TBC1D9B: variants seen among roughly 807,000 people sequenced by gnomAD.
TBC1D9B encodes TBC1 domain family, member 9B (with GRAM domain).
A neutral mutation model predicts 121.1 loss-of-function variants in TBC1D9B; 87 were observed. The ratio of observed to expected loss-of-function variants is 0.72; its 90% CI spans 0.60 to 0.86. The LOEUF is 0.86. Among genes scored for constraint, TBC1D9B ranks in the 40% least tolerant of loss-of-function variants. The probability of loss-of-function intolerance (pLI) is 0.00; values close to 1 mark genes in which losing one functional copy is unlikely to be tolerated. For missense variants in TBC1D9B, 1,540 were observed against 1,628.6 expected (o/e 0.95, Z 0.94); for synonymous variants, 668 against 670.1 (o/e 1.00, Z 0.05).
At chr5:179,880,301 A>G (rs953109668) in intron 7 of TBC1D9B, among the ~76,000 whole-genome samples, 2 of 152,230 alleles carry the variant, frequency 1.3e-5, no homozygotes, top group Non-Finnish European at 2.9e-5. Context: ...GGAGCATGCA[A>G]GGCCTGCTGC....
At position 179,878,487 on chromosome 5, in the gene TBC1D9B, T is replaced by C. The variant is rs1301041153; in HGVS notation, c.1604A>G (p.Tyr535Cys). 2.5e-6 allele frequency: 4 copies of C among 1,610,768 alleles called. No individual in the cohort carries two copies. The highest frequency in any genetic ancestry group is 1.7e-5 in the Admixed American group (1 of 59,592). Residue 535 changes from tyrosine (Y) to cysteine (C), a missense_variant, in exon 10 of 21, where the codon TAT becomes TGT. Transcript: ENST00000355235. ...GGTGGACTTCTCCACCAGCTCAGCA[T>C]AGTACCCGGGGTGAGTCACCATCTC... is the stretch of plus-strand genomic sequence containing the variant. ...WNEMVTHPGY[Y>C]AELVEKSTGK...
intron 7 of TBC1D9B, among the ~76,000 whole-genome samples, chr5:179,884,965 G>A (rs1027217628): frequency 2.0e-5 from 3 of 152,092 alleles, no homozygotes; most frequent in Non-Finnish European, 4.4e-5. Context: ...GTACTTAATG[G>A]TAAATGTTGT....
chr5:179,893,090 C>G, intron 5 of TBC1D9B, 119 bp downstream of exon 5: 11 of 1,402,664 alleles, frequency 7.8e-6, no homozygotes, highest in Non-Finnish European at 9.5e-6. Flanking sequence ...AGTGGGGAGC[C>G]CATGAGGGGT....
chr5:179,868,057 T>A (rs1760074703), intron 17 of TBC1D9B: 4 of 413,762 alleles, frequency 9.7e-6, no homozygotes, highest in African/African-American at 2.0e-5. Flanking sequence ...TTTTTTTTTT[T>A]AATGGACTCT....
rs2113612329 is a variant in TBC1D9B, at chr5:179,874,041, T to G, written c.2187-793A>C. 6.6e-6 allele frequency among the ~76,000 whole-genome samples: 1 copy of G among 152,296 alleles called. No individual in the cohort carries two copies. The highest frequency in any genetic ancestry group is 2.1e-4 in the South Asian group (1 of 4,824). ...AGAGAGTCCCAGGCAGCACCTGGCC[T>G]GGCCATGGGCAAGTGGCAGAGTCCC... On this transcript the variant is annotated intron_variant, in intron 12 of 20. Coordinates refer to ENST00000355235, the MANE Select transcript of TBC1D9B (RefSeq NM_015043.4). The surrounding 1 kb of genome is among the most constrained non-coding windows in gnomAD (Gnocchi z 4.3).
chr5:179,891,637 A>G lies in TBC1D9B; in HGVS notation c.837-51T>C. The G allele has an allele frequency of 6.3e-7, 1 of 1,592,956 alleles. No individual in the cohort carries two copies. Among genetic ancestry groups the G allele is most frequent in the South Asian group, 1.1e-5 (1 of 90,724 alleles). The stretch of plus-strand genomic sequence containing the variant: ...GAGGAAAGGGGACAAGGTCAGGACC[A>G]GCACACTCTCAAGGAAGCCTTGGGG... On this transcript the variant is annotated intron_variant, in intron 5 of 20. Coordinates refer to ENST00000355235, the MANE Select transcript of TBC1D9B (RefSeq NM_015043.4). This position sits in a 1 kb window ranked among gnomAD's most constrained non-coding sequence, Gnocchi z 4.3.
Position 179,863,609 on chromosome 5 carries a change from T to C in TBC1D9B, c.3541A>G (p.Ile1181Val). Residue 1181 changes from isoleucine (I) to valine (V), a missense_variant, in exon 21 of 21, where the codon ATC becomes GTC. Ile to Val is a conservative substitution (Grantham distance 29). Coordinates refer to ENST00000355235, the MANE Select transcript of TBC1D9B (RefSeq NM_015043.4). This position sits in a 1 kb window ranked among gnomAD's most constrained non-coding sequence, Gnocchi z 4.5. ...IGGTVDTDWC[I>V]SFEQILASIL... The stretch of plus-strand genomic sequence containing the variant: ...GAGGCCAGGATCTGCTCAAAGGAGA[T>C]GCACCAGTCGGTGTCGACGGTGCCG... 3 of 1,614,040 alleles carry C rather than the reference T, an allele frequency of 1.9e-6. No individual in the cohort carries two copies. Among genetic ancestry groups the C allele is most frequent in the Non-Finnish European group, 2.5e-6 (3 of 1,180,038 alleles).
Position 179,894,494 on chromosome 5 carries a change from C to A in TBC1D9B, c.469G>T (p.Val157Leu). The A allele has an allele frequency of 6.2e-7, 1 of 1,614,238 alleles. No individual in the cohort carries two copies. Among genetic ancestry groups the A allele is most frequent in the Non-Finnish European group, 8.5e-7 (1 of 1,180,024 alleles). The change falls in exon 4 of 21, where the codon GTG becomes TTG. Residue 157 changes from valine (V) to leucine (L), a missense_variant. Physicochemically the swap from Val to Leu is conservative, Grantham distance 32. Coordinates refer to ENST00000355235, the MANE Select transcript of TBC1D9B (RefSeq NM_015043.4). ...CAGTAGCTGCAGGAGTAGTAATTCA[C>A]CAGCTTCTCGCCCTCAGGCATCCCA... is the stretch of plus-strand genomic sequence containing the variant. ...QFGMPEGEKL[V>L]NYYSCSYWKG...
Position 179,891,454 on chromosome 5 carries a change from C to T in TBC1D9B, c.969G>A (p.Met323Ile), listed in dbSNP as rs1333545613. 10 of 1,614,256 alleles carry T rather than the reference C, an allele frequency of 6.2e-6. No homozygotes were observed. The highest frequency in any genetic ancestry group is 7.6e-6 in the Non-Finnish European group (9 of 1,180,048). Residue 323 changes from methionine (M) to isoleucine (I), a missense_variant, in exon 6 of 21, where the codon ATG (methionine) becomes ATA (isoleucine). Transcript: ENST00000355235. This position sits in a 1 kb window ranked among gnomAD's most constrained non-coding sequence, Gnocchi z 4.3. The stretch of plus-strand genomic sequence containing the variant: ...AGCAGATGTAGTTGTTGGAGATGAA[C>T]ATCTGGCCAGGGATGTGCAGCTTGT... ...PFNKLHIPGQ[M>I]FISNNYICFA...
At chr5:179,899,442 C>T (rs908333432) in intron 2 of TBC1D9B, 135 bp from the exon 3 acceptor site, 2 of 728,276 alleles carry the variant, frequency 2.7e-6, no homozygotes, top group African/African-American at 3.5e-5. Flanking sequence ...GCTGCTTTTC[C>T]CTCTTAAGCT....
Position 179,897,071 on chromosome 5 carries a change from TA to T in TBC1D9B, c.348+2117del, listed in dbSNP as rs371532963. On this transcript the variant is annotated intron_variant, in intron 3 of 20. Coordinates refer to ENST00000355235, the MANE Select transcript of TBC1D9B (RefSeq NM_015043.4). ...ACAGGCCCCCGCCACCATGCCCGGCTAATTTTTTTGTATTTTTAGTAGAGAT... is the reference window on the plus strand; with the variant it reads ...ACAGGCCCCCGCCACCATGCCCGGCTATTTTTTTGTATTTTTAGTAGAGAT... Among the ~76,000 whole-genome samples, 475 of 151,984 alleles carry T rather than the reference TA, an allele frequency of 3.1e-3. 8 individuals carry two copies. Among genetic ancestry groups the T allele is most frequent in the African/African-American group, 0.011 (445 of 41,452 alleles).
chr5:179,878,929 GA>G, intron 9 of TBC1D9B, 117 bp downstream of exon 9: 4 of 1,381,184 alleles, frequency 2.9e-6, no homozygotes, highest in Non-Finnish European at 3.8e-6. Context: ...CTGTGTGAAA[GA>G]GCTGGGAGCT....
At chr5:179,884,143 G>T (rs1388706511) in intron 7 of TBC1D9B, among the ~76,000 whole-genome samples, 2 of 152,064 alleles carry the variant, frequency 1.3e-5, no homozygotes, top group East Asian at 3.9e-4. Flanking sequence ...TAAGGCTGTG[G>T]GTAGAAATAA....
Position 179,888,307 on chromosome 5 carries a change from G to A in TBC1D9B, c.1050C>T (p.Thr350=), listed in dbSNP as rs1441675938. Residue 350 remains threonine, a synonymous_variant, in exon 7 of 21, where the codon ACC becomes ACT. Coordinates refer to ENST00000355235, the MANE Select transcript of TBC1D9B (RefSeq NM_015043.4). ...CHLIIPLREV[T]IVEKADSSSV... Reference sequence around the variant, plus strand: ...TGGAGCTGTCAGCTTTTTCGACAATGGTCACCTGAGAAGGTGAAAGAACTC... The same window carrying A: ...TGGAGCTGTCAGCTTTTTCGACAATAGTCACCTGAGAAGGTGAAAGAACTC... The A allele has an allele frequency of 1.2e-6, 2 of 1,611,088 alleles. No individual in the cohort carries two copies. Among genetic ancestry groups the A allele is most frequent in the East Asian group, 4.5e-5 (2 of 44,864 alleles).
At chr5:179,879,928 G>T in intron 7 of TBC1D9B, 139 bp from the exon 8 acceptor site, 2 of 1,063,956 alleles carry the variant, frequency 1.9e-6, no homozygotes, top group Non-Finnish European at 2.6e-6. Flanking sequence ...AGAAGAGCCT[G>T]TCTGGCTGGG....
Position 179,865,100 on chromosome 5 carries a change from T to C in TBC1D9B, c.3021+154A>G, listed in dbSNP as rs1759968589. 6.6e-6 allele frequency among the ~76,000 whole-genome samples: 1 copy of C among 152,220 alleles called. No individual in the cohort carries two copies. The highest frequency in any genetic ancestry group is 1.5e-5 in the Non-Finnish European group (1 of 68,044). ...CTGGCCTCTTGTCTTTCTGGAATCA[T>C]CGCTGACTGGCAACCAGGACTAACG... On this transcript the variant is annotated intron_variant, in intron 20 of 20. Transcript: ENST00000355235. The surrounding 1 kb of genome is among the most constrained non-coding windows in gnomAD (Gnocchi z 5.1).
In TBC1D9B at chr5:179,873,369, G is replaced by A. The variant is rs1318039067; in HGVS notation, c.2187-121C>T. On this transcript the variant is annotated intron_variant, in intron 12 of 20. Coordinates refer to ENST00000355235, the MANE Select transcript of TBC1D9B (RefSeq NM_015043.4). ...AGACTCCTAATAAGGAGTGTGCAGA[G>A]GACTGGGCACCCTGCAGGAGGGCAG... is the stretch of plus-strand genomic sequence containing the variant. 8 of 1,386,050 alleles carry A rather than the reference G, an allele frequency of 5.8e-6. No individual in the cohort carries two copies. The South Asian group carries it at 1.1e-4, about 19-fold the overall frequency. The allele number at this position is 1,386,050 out of a possible 1,614,324, so 85.9% of individuals were successfully genotyped here.
intron 3 of TBC1D9B, 126 bp from the exon 4 acceptor site, chr5:179,894,740 G>A (rs1760974481): frequency 2.3e-6 from 2 of 867,174 alleles, no homozygotes; most frequent in South Asian, 1.7e-5. Context: ...GCACAGCTGG[G>A]AACAGTCAGT....
At position 179,907,561 on chromosome 5, in the gene TBC1D9B, C is replaced by G. The variant is rs1427161637; in HGVS notation, c.118+143G>C. 2.8e-5 allele frequency: 9 copies of G among 324,134 alleles called. No homozygotes were observed. The highest frequency in any genetic ancestry group is 4.0e-5 in the Non-Finnish European group (9 of 227,630). 20.1% of individuals were successfully genotyped at this position (324,134 alleles called of 1,614,324 possible). A position where few individuals can be genotyped will look rare whatever the true frequency, so the allele number is the denominator to read the frequency against. ...GGCTCCCGGGTCCTGGCCTCGCGCC[C>G]CCGCCCCGCCGCGCGCTGGCGTGCG... On this transcript the variant is annotated intron_variant, in intron 1 of 20. Coordinates refer to ENST00000355235, the MANE Select transcript of TBC1D9B (RefSeq NM_015043.4). This position sits in a 1 kb window ranked among gnomAD's most constrained non-coding sequence, Gnocchi z 5.3.
Sources: allele counts gnomAD v4.1 joint callset (sites outside exome capture counted in the v4.1 genomes callset), GRCh38; gene constraint gnomAD v4.1.1; non-coding constraint Gnocchi (gnomAD v3.1); transcripts MANE v1.5; gene names NCBI Gene and HGNC (gene_info 2026-07-23, HGNC 2026-07-21).